Variants in BNC2 observed in about 807,000 individuals in gnomAD.
BNC2 encodes the protein zinc finger protein basonuclin-2.
BNC2 carries 20 observed loss-of-function variants against 76.3 expected under a neutral mutation model. That is an observed-to-expected ratio of 0.26 (90% CI 0.18 to 0.38). BNC2 has a LOEUF of 0.38. BNC2 is among the 10% of genes least tolerant of loss of function. BNC2 has a pLI of 1.00. For missense variants in BNC2, 1,382 were observed against 1,399.8 expected, an observed-to-expected ratio of 0.99 and a Z score of 0.20; for synonymous variants, 582 against 514.8, an observed-to-expected ratio of 1.13 and a Z score of -1.77.
intron 1 of BNC2, among the ~76,000 whole-genome samples, chr9:16,858,674 T>A (rs1819322055): frequency 1.3e-5 from 2 of 151,702 alleles, no homozygotes; most frequent in African/African-American, 2.4e-5. Context: ...TAAAACCCCG[T>A]CTCTATGAAA....
chr9:16,627,031 C>A (rs1290323748), intron 3 of BNC2, among the ~76,000 whole-genome samples: 2 of 152,172 alleles, frequency 1.3e-5, no homozygotes, highest in African/African-American at 4.8e-5. Flanking sequence ...CCTTTTTACG[C>A]TCTGTTACAC....
intron 1 of BNC2, among the ~76,000 whole-genome samples, chr9:16,815,633 C>G (rs965743414): frequency 5.3e-5 from 8 of 152,210 alleles, no homozygotes; most frequent in African/African-American, 1.2e-4. Flanking sequence ...AACTAATACT[C>G]TGGTTAACCA....
intron 6 of BNC2, chr9:16,434,769 T>C (rs1445182749): frequency 6.6e-6 from 3 of 452,518 alleles, no homozygotes; most frequent in East Asian, 1.4e-4. Context: ...TGATGTCATC[T>C]GAAGGCTGGA....
chr9:16,746,791 T>C (rs1056492126), intron 1 of BNC2, among the ~76,000 whole-genome samples: 2 of 151,540 alleles, frequency 1.3e-5, no homozygotes, highest in Non-Finnish European at 2.9e-5. Context: ...ATGAAACCTG[T>C]CTCTACTAAA....
intron 4 of BNC2, among the ~76,000 whole-genome samples, chr9:16,570,595 G>A (rs1819295487): frequency 6.6e-6 from 1 of 152,130 alleles, no homozygotes; most frequent in South Asian, 2.1e-4. Flanking sequence ...GCAGTCCTAG[G>A]GCTTAGGAAA....
chr9:16,657,748 T>A (rs2134011472), intron 3 of BNC2, among the ~76,000 whole-genome samples: 1 of 152,322 alleles, frequency 6.6e-6, no homozygotes, highest in South Asian at 2.1e-4. Context: ...GATAGAAGGC[T>A]GTTCATAATA....
At position 16,415,247 on chromosome 9, in the gene BNC2, C is replaced by T. The variant is rs1353865934; in HGVS notation, c.*3742G>A. The T allele has an allele frequency of 2.0e-5, 3 of 152,530 alleles. No homozygotes were observed. The highest frequency in any genetic ancestry group is 4.4e-5 in the Non-Finnish European group (3 of 68,022). 9.4% of individuals were successfully genotyped at this position (152,530 alleles called of 1,614,324 possible). A position where few individuals can be genotyped will look rare whatever the true frequency, so the allele number is the denominator to read the frequency against. On this transcript the variant is annotated 3_prime_UTR_variant, in exon 7 of 7. Transcript: ENST00000380672. ...AAGGATTTTTATCACACTTTTAAAC[C>T]AAATTCCTCATTATCTATCCTTTTT...
At chr9:16,793,854 G>GTT (rs1220978278) in intron 1 of BNC2, among the ~76,000 whole-genome samples, 15 of 85,582 alleles carry the variant, frequency 1.8e-4, no homozygotes, top group Non-Finnish European at 2.7e-4. Context: ...GTTTTTTGTG[G>GTT]TTTTTGTTTT....
At chr9:16,514,884 A>G (rs960231530) in intron 5 of BNC2, among the ~76,000 whole-genome samples, 1 of 152,236 alleles carries the variant, frequency 6.6e-6, no homozygotes, top group African/African-American at 2.4e-5. Context: ...CAATCACTGG[A>G]TAAGCAGATC....
intron 6 of BNC2, among the ~76,000 whole-genome samples, chr9:16,422,638 G>T (rs1473737475): frequency 6.6e-6 from 1 of 152,222 alleles, no homozygotes; most frequent in Non-Finnish European, 1.5e-5. Flanking sequence ...AAAGTCTGCT[G>T]TTCACTCTCA....
intron 1 of BNC2, among the ~76,000 whole-genome samples, chr9:16,800,054 A>C (rs1467914391): frequency 6.6e-6 from 1 of 151,954 alleles, no homozygotes; most frequent in Admixed American, 6.6e-5. Context: ...GGGAAACCCC[A>C]TCTCTACTAA....
chr9:16,870,157 C>A (rs1475874535), intron 1 of BNC2, among the ~76,000 whole-genome samples: 2 of 151,090 alleles, frequency 1.3e-5, no homozygotes, highest in Non-Finnish European at 2.9e-5. Context: ...CGCCCCAGCG[C>A]ACCCGGCACC....
chr9:16,719,768 T>G (rs1439589123), intron 3 of BNC2, among the ~76,000 whole-genome samples: 1 of 152,200 alleles, frequency 6.6e-6, no homozygotes, highest in Non-Finnish European at 1.5e-5. Context: ...AAATTTTAAT[T>G]TCATAATACC....
chr9:16,505,242 C>T (rs1822600036), intron 5 of BNC2, among the ~76,000 whole-genome samples: 1 of 152,184 alleles, frequency 6.6e-6, no homozygotes, highest in Non-Finnish European at 1.5e-5. Context: ...CAAATCACAT[C>T]CCACACCATG....
chr9:16,491,624 T>C (rs1196441899), intron 5 of BNC2, among the ~76,000 whole-genome samples: 1 of 152,168 alleles, frequency 6.6e-6, no homozygotes, highest in Non-Finnish European at 1.5e-5. Context: ...GTTTGGGCCA[T>C]ATTACAATGA....
chr9:16,694,212 T>G (rs4961736), intron 3 of BNC2, among the ~76,000 whole-genome samples: 93,759 of 152,038 alleles, frequency 0.62, 32,129 homozygotes, highest in Non-Finnish European at 0.8. Flanking sequence ...ATTGAAAAAC[T>G]TATGTGAAAA....
intron 5 of BNC2, among the ~76,000 whole-genome samples, chr9:16,477,408 A>C (rs967198962): frequency 3.3e-5 from 5 of 152,218 alleles, no homozygotes; most frequent in African/African-American, 1.2e-4. Context: ...TTCTTAACAA[A>C]TCAAGATTTT....
In BNC2 at chr9:16,452,314, G is replaced by A. The variant is rs917901024; in HGVS notation, c.670-14790C>T. Among the ~76,000 whole-genome samples, 10 of 152,120 alleles carry A rather than the reference G, an allele frequency of 6.6e-5. 1 individual carries two copies. The East Asian group carries it at 1.9e-3, about 29-fold the overall frequency. On this transcript the variant is annotated intron_variant, in intron 5 of 6. Transcript: ENST00000380672. The stretch of plus-strand genomic sequence containing the variant: ...CCAGTGTACAAAAAATCAGCAAACT[G>A]CAACACTGTCTCTCATATAGTTGGC...
At chr9:16,450,190 C>G (rs909557405) in intron 5 of BNC2, among the ~76,000 whole-genome samples, 3 of 152,152 alleles carry the variant, frequency 2.0e-5, no homozygotes, top group Non-Finnish European at 2.9e-5. Context: ...ATGTTTACAT[C>G]AGTGAAATTA....
Sources: gnomAD v4.1 joint callset for allele counts (sites outside exome capture counted in the v4.1 genomes callset) on GRCh38, gnomAD v4.1.1 for gene constraint, MANE v1.5 for transcripts, NCBI Gene and HGNC (gene_info 2026-07-23, HGNC 2026-07-21) for gene names.